POLRMT: variants seen among roughly 807,000 people sequenced by gnomAD.
POLRMT encodes the protein RNA polymerase mitochondrial.
In POLRMT, 114 loss-of-function variants were observed where a neutral mutation model predicts 132.2. That is an observed-to-expected ratio of 0.86 (90% CI 0.74 to 1.01). POLRMT has a LOEUF of 1.01. Among genes scored for constraint, POLRMT ranks in the 50% least tolerant of loss-of-function variants. The pLI, the probability that POLRMT is intolerant of heterozygous loss-of-function variation, is 0.00. For synonymous variants in POLRMT, 1,020 were observed against 773.4 expected (o/e 1.32, Z -5.29); for missense variants, 2,003 against 1,729.1 (o/e 1.16, Z -2.81).
At chr19:629,469 CCA>C in intron 3 of POLRMT, 69 bp downstream of exon 3, 2 of 1,376,626 alleles carry the variant, frequency 1.5e-6, no homozygotes, top group Non-Finnish European at 1.9e-6. Context: ...AGAGAAAAGT[CCA>C]GTCTAAATGA....
rs763414933 is a variant in POLRMT at position 629,906 on chromosome 19, C to T, written c.456G>A (p.Glu152=). The change falls in exon 3 of 21, where the codon GAG becomes GAA. Residue 152 remains glutamate, a synonymous_variant. Coordinates refer to ENST00000588649, the MANE Select transcript of POLRMT (RefSeq NM_005035.4). The part of the protein sequence containing the change: ...AKLQMPFQSG[E]FKALTRRLQV... ...GCAGGCGCCTGGTCAGCGCCTTGAACTCCCCGCTCTGGAATGGCATCTGCA... is the reference window on the plus strand; with the variant it reads ...GCAGGCGCCTGGTCAGCGCCTTGAATTCCCCGCTCTGGAATGGCATCTGCA... 5 of 1,613,420 alleles carry T rather than the reference C, an allele frequency of 3.1e-6. No homozygotes were observed. In the South Asian group the frequency reaches 3.3e-5, roughly 11 times the overall value.
chr19:632,706 G>T, intron 2 of POLRMT, 128 bp downstream of exon 2: 1 of 710,728 alleles, frequency 1.4e-6, no homozygotes, highest in Non-Finnish European at 2.2e-6. Flanking sequence ...AACGCCGTCT[G>T]GGCGTGTCCT....
At position 632,818 on chromosome 19, in the gene POLRMT, TG is replaced by T; in HGVS notation, c.193+15del. ...CGGACTCTCCTCTCCCGGGCCGCCG[TG>T]GGGGTCGCGCTCACCCTCCAGCAGC... On this transcript the variant is annotated intron_variant, in intron 2 of 20. Coordinates refer to ENST00000588649, the MANE Select transcript of POLRMT (RefSeq NM_005035.4). 6.5e-7 allele frequency: 1 copy of T among 1,527,140 alleles called. No homozygotes were observed. The allele number at this position is 1,527,140 out of a possible 1,614,324, so 94.6% of individuals were successfully genotyped here. A position where few individuals can be genotyped will look rare whatever the true frequency, so the allele number is the denominator to read the frequency against.
At chr19:632,399 G>A (rs1295115926) in intron 2 of POLRMT, among the ~76,000 whole-genome samples, 1 of 152,214 alleles carries the variant, frequency 6.6e-6, no homozygotes, top group Non-Finnish European at 1.5e-5. Context: ...GCCACCGCTG[G>A]AGCCTGGGCT....
chr19:620,910 GAGGAAGACGGGCA>G, intron 10 of POLRMT, 135 bp downstream of exon 10: 4 of 125,262 alleles, frequency 3.2e-5, no homozygotes, highest in African/African-American at 1.1e-4. Flanking sequence ...GGGAGGGGAG[GAGGAAGACGGGCA>G]GGGGGCGCCA....
At position 620,001 on chromosome 19, in the gene POLRMT, G is replaced by C. The variant is rs762623741; in HGVS notation, c.2843C>G (p.Pro948Arg). ...GTACACGTCCTGCGGCACATCCGAGGGCTCCAGGTTGACGGAGGCGGCGCC... is the reference window on the plus strand; with the variant it reads ...GTACACGTCCTGCGGCACATCCGAGCGCTCCAGGTTGACGGAGGCGGCGCC... ...SVGAASVNLEPSDVPQDVYSG... is the reference protein window; with the variant it reads ...SVGAASVNLERSDVPQDVYSG... The change falls in exon 12 of 21, where the codon CCC (proline) becomes CGC (arginine). Residue 948 changes from proline to arginine, a missense_variant. Physicochemically the swap from Pro to Arg is moderately radical, Grantham distance 103. Coordinates refer to ENST00000588649, the MANE Select transcript of POLRMT (RefSeq NM_005035.4). The C allele has an allele frequency of 6.3e-7, 1 of 1,592,812 alleles. No individual in the cohort carries two copies. The highest frequency in any genetic ancestry group is 8.5e-7 in the Non-Finnish European group (1 of 1,173,838).
chr19:633,346 A>G, intron 1 of POLRMT, 79 bp downstream of exon 1: 1 of 1,374,298 alleles, frequency 7.3e-7, no homozygotes, highest in African/African-American at 1.5e-5. Context: ...CAAAGGTCAA[A>G]GCGCCAAAGG....
chr19:622,546 G>A (rs765579880), intron 8 of POLRMT, 36 bp downstream of exon 8: 1 of 1,561,712 alleles, frequency 6.4e-7, no homozygotes, highest in South Asian at 1.2e-5. Flanking sequence ...ACCCACCACT[G>A]GCCCCAGCCA....
rs1302348224 is a variant in POLRMT at position 632,881 on chromosome 19, T to G, written c.146A>C (p.Gln49Pro). 1.3e-6 allele frequency: 2 copies of G among 1,551,400 alleles called. No homozygotes were observed. The highest frequency in any genetic ancestry group is 3.7e-5 in the Admixed American group (2 of 53,576). ...RRSSSASPQEQDQDRRKDWGH... is the reference protein window; with the variant it reads ...RRSSSASPQEPDQDRRKDWGH... ...CCAGTCCTTCCTGCGGTCTTGGTCTTGCTCCTGGGGGCTGGCGGACGAGCT... is the reference window on the plus strand; with the variant it reads ...CCAGTCCTTCCTGCGGTCTTGGTCTGGCTCCTGGGGGCTGGCGGACGAGCT... The change falls in exon 2 of 21, where the codon CAA becomes CCA. Residue 49 changes from glutamine (Q) to proline (P), a missense_variant. By Grantham distance (76) the Gln-to-Pro change is moderately conservative. Coordinates refer to ENST00000588649, the MANE Select transcript of POLRMT (RefSeq NM_005035.4).
At chr19:633,008 C>T in intron 1 of POLRMT, 70 bp from the exon 2 acceptor site, 1 of 1,063,156 alleles carries the variant, frequency 9.4e-7, no homozygotes, top group Non-Finnish European at 1.3e-6. Context: ...AGGCAGAAGC[C>T]GAAGGGTCGA....
rs61746699 is a variant in POLRMT at position 619,637 on chromosome 19, G to C, written c.3015C>G (p.Gly1005=). The change falls in exon 13 of 21, where the codon GGC becomes GGG. Residue 1005 remains glycine, a synonymous_variant. Transcript: ENST00000588649. ...MTVVYGVTRY[G]GRLQIEKRLR... ...GGCGCTTCTCAATCTGCAGGCGCCCGCCATAGCGCGTGACCCCGTACACCA... is the reference window on the plus strand; with the variant it reads ...GGCGCTTCTCAATCTGCAGGCGCCCCCCATAGCGCGTGACCCCGTACACCA... 1 of 1,610,670 alleles carries C rather than the reference G, an allele frequency of 6.2e-7. No homozygotes were observed. The highest frequency in any genetic ancestry group is 8.5e-7 in the Non-Finnish European group (1 of 1,179,658).
At position 617,842 on chromosome 19, in the gene POLRMT, G is replaced by C. The variant is rs1367585958; in HGVS notation, c.3430C>G (p.Leu1144Val). The change falls in exon 18 of 21, where the codon CTG becomes GTG. Residue 1144 changes from leucine (L) to valine (V), a missense_variant. By Grantham distance (32) the Leu-to-Val change is conservative. Coordinates refer to ENST00000588649, the MANE Select transcript of POLRMT (RefSeq NM_005035.4). ...LTALHCYRKGLTFVSVHDCYW... is the reference protein window; with the variant it reads ...LTALHCYRKGVTFVSVHDCYW... Reference sequence around the variant, plus strand: ...CAGTCGTGCACAGAGACGAAGGTCAGGCCCTTCCTGTGGCAGAGCGGAGGA... The same window carrying C: ...CAGTCGTGCACAGAGACGAAGGTCACGCCCTTCCTGTGGCAGAGCGGAGGA... The C allele has an allele frequency of 6.2e-7, 1 of 1,613,124 alleles. No individual in the cohort carries two copies. Among genetic ancestry groups the C allele is most frequent in the Non-Finnish European group, 8.5e-7 (1 of 1,179,890 alleles).
chr19:633,324 G>C, intron 1 of POLRMT, 101 bp downstream of exon 1: 5 of 1,325,744 alleles, frequency 3.8e-6, no homozygotes, highest in Non-Finnish European at 4.9e-6. Context: ...CGCACGCCCA[G>C]GTGCAAAGAG....
Position 622,322 on chromosome 19 carries a change from C to G in POLRMT, c.1678G>C (p.Glu560Gln). Residue 560 changes from glutamate (E) to glutamine (Q), a missense_variant, in exon 9 of 21, where the codon GAG becomes CAG. Glu to Gln is a conservative substitution (Grantham distance 29). Transcript: ENST00000588649. ...RQYWEELGAP[E>Q]ALREQPWPLP... ...GGCCAGGGCTGCTCCCGCAGGGCCT[C>G]GGGCGCCCCCAGCTCCTCCCAGTAC... is the stretch of plus-strand genomic sequence containing the variant. 2 of 1,563,290 alleles carry G rather than the reference C, an allele frequency of 1.3e-6. No individual in the cohort carries two copies. The highest frequency in any genetic ancestry group is 1.7e-6 in the Non-Finnish European group (2 of 1,155,556).
In POLRMT at chr19:622,688, C is replaced by T. The variant is rs1984713140; in HGVS notation, c.1520G>A (p.Arg507His). ...CTGCACCACGTGCCGGCTGAAAGTGCGCGCACTCAGCTCCCGGGCCAGGGT... is the reference window on the plus strand; with the variant it reads ...CTGCACCACGTGCCGGCTGAAAGTGTGCGCACTCAGCTCCCGGGCCAGGGT... ...FTTLARELSA[R>H]TFSRHVVQRQ... Residue 507 changes from arginine (R) to histidine (H), a missense_variant, in exon 8 of 21, where the codon CGC becomes CAC. By Grantham distance (29) the Arg-to-His change is conservative (BLOSUM62 0). Coordinates refer to ENST00000588649, the MANE Select transcript of POLRMT (RefSeq NM_005035.4). 4 of 1,604,780 alleles carry T rather than the reference C, an allele frequency of 2.5e-6. No individual in the cohort carries two copies. Among genetic ancestry groups the T allele is most frequent in the Non-Finnish European group, 2.5e-6 (3 of 1,176,988 alleles).
chr19:618,992 C>G lies in POLRMT; in HGVS notation c.3267+5G>C. On this transcript the variant is annotated splice_donor_5th_base_variant and intron_variant, in intron 15 of 20. Transcript: ENST00000588649. ...CACTGGGGAGGGATGGGGTGGTACA[C>G]TGACCTTGACCTTGGAGTCCAGGCG... The G allele has an allele frequency of 6.4e-7, 1 of 1,570,314 alleles. No individual in the cohort carries two copies. Among genetic ancestry groups the G allele is most frequent in the Non-Finnish European group, 8.7e-7 (1 of 1,155,488 alleles).
chr19:623,160 G>A (rs975593889), intron 6 of POLRMT, among the ~76,000 whole-genome samples, 175 bp from the exon 7 acceptor site: 1 of 152,184 alleles, frequency 6.6e-6, no homozygotes, highest in Non-Finnish European at 1.5e-5. Context: ...CGTGCCTGAC[G>A]CAGCCAAGAG....
At position 620,941 on chromosome 19, in the gene POLRMT, G is replaced by C. The variant is rs1297825298; in HGVS notation, c.2640+117C>G. ...GACGGGCAGGGGGCGCCAGGGGAGG[G>C]GGAGGGGAGGAGGAAGACGGGCAGG... On this transcript the variant is annotated intron_variant, in intron 10 of 20. Coordinates refer to ENST00000588649, the MANE Select transcript of POLRMT (RefSeq NM_005035.4). 5.4e-5 allele frequency: 20 copies of C among 369,282 alleles called. 1 individual carries two copies. Among genetic ancestry groups the C allele is most frequent in the Non-Finnish European group, 8.1e-5 (19 of 233,738 alleles). The allele number at this position is 369,282 out of a possible 1,614,324, so 22.9% of individuals were successfully genotyped here.
chr19:622,218 G>C lies in POLRMT; in HGVS notation c.1782C>G (p.Asp594Glu), dbSNP rs746914051. 2 of 1,561,414 alleles carry C rather than the reference G, an allele frequency of 1.3e-6. No individual in the cohort carries two copies. The highest frequency in any genetic ancestry group is 1.7e-6 in the Non-Finnish European group (2 of 1,157,344). The change falls in exon 9 of 21, where the codon GAC (aspartate) becomes GAG (glutamate). Residue 594 changes from aspartate to glutamate, a missense_variant. Physicochemically the swap from Asp to Glu is conservative, Grantham distance 45. Coordinates refer to ENST00000588649, the MANE Select transcript of POLRMT (RefSeq NM_005035.4). ...CAAGCCGAGAGGAACGATGCGGCTT[G>C]TCCAGGCTGCATGGCATCTGCGTAG... is the stretch of plus-strand genomic sequence containing the variant. ...VQATQMPCSL[D>E]KPHRSSRLVP...
Sources: gnomAD v4.1 joint callset for allele counts (sites outside exome capture counted in the v4.1 genomes callset) on GRCh38, gnomAD v4.1.1 for gene constraint, MANE v1.5 for transcripts, NCBI Gene and HGNC (gene_info 2026-07-23, HGNC 2026-07-21) for gene names.